Variants in NUDCD1 observed in about 807,000 individuals in gnomAD.
NUDCD1 encodes the protein nudC domain-containing protein 1.
A neutral mutation model predicts 67.8 loss-of-function variants in NUDCD1; 60 were observed. That is an observed-to-expected ratio of 0.88 (90% CI 0.72 to 1.10). The LOEUF is 1.10. NUDCD1 is among the 50% of genes least tolerant of loss of function. The pLI, the probability that NUDCD1 is intolerant of heterozygous loss-of-function variation, is 0.00. For synonymous variants in NUDCD1, 244 were observed against 230.8 expected, an observed-to-expected ratio of 1.06 and a Z score of -0.52; for missense variants, 643 against 695.0, an observed-to-expected ratio of 0.93 and a Z score of 0.84.
chr8:109,273,391 G>C (rs917899034), intron 7 of NUDCD1, among the ~76,000 whole-genome samples: 3 of 152,000 alleles, frequency 2.0e-5, no homozygotes, highest in African/African-American at 4.8e-5. Context: ...TAAGAAGGTA[G>C]GCAAAAATTT....
chr8:109,329,978 C>T, intron 1 of NUDCD1: 1 of 1,270,320 alleles, frequency 7.9e-7, no homozygotes, highest in Non-Finnish European at 1.0e-6. Flanking sequence ...AGTGTAGATT[C>T]TGACTAGTCA....
At chr8:109,255,877 G>T (rs906099497) in intron 8 of NUDCD1, among the ~76,000 whole-genome samples, 1 of 152,118 alleles carries the variant, frequency 6.6e-6, no homozygotes, top group African/African-American at 2.4e-5. Flanking sequence ...TGTTTCAGCA[G>T]GTTTGAAGAA....
At chr8:109,332,254 T>A (rs1008027385) in intron 1 of NUDCD1, among the ~76,000 whole-genome samples, 3 of 152,108 alleles carry the variant, frequency 2.0e-5, no homozygotes, top group Non-Finnish European at 4.4e-5. Flanking sequence ...GGAAGGCTAG[T>A]CAGGAGGCTA....
At chr8:109,287,113 T>C (rs574317090) in intron 5 of NUDCD1, among the ~76,000 whole-genome samples, 34 of 152,164 alleles carry the variant, frequency 2.2e-4, no homozygotes, top group Middle Eastern at 3.4e-3. Flanking sequence ...TCAGAATGGC[T>C]ATTAATAAAA....
intron 5 of NUDCD1, among the ~76,000 whole-genome samples, chr8:109,286,206 TATC>T (rs1814571255): frequency 6.6e-6 from 1 of 152,236 alleles, no homozygotes; most frequent in Admixed American, 6.5e-5. Flanking sequence ...GAATAATCAA[TATC>T]ATTAAAATGT....
intron 8 of NUDCD1, among the ~76,000 whole-genome samples, chr8:109,248,714 G>GA (rs78072773): frequency 0.13 from 12,564 of 99,878 alleles, 588 homozygotes; most frequent in Middle Eastern, 0.2. Context: ...CCACTGTTTG[G>GA]AAAAAAAAAA....
At position 109,243,111 on chromosome 8, in the gene NUDCD1, T is replaced by C. The variant is rs1813407639; in HGVS notation, c.1650A>G (p.Leu550=). Residue 550 remains leucine (L), a synonymous_variant, in exon 10 of 10, where the codon CTA becomes CTG. Transcript: ENST00000239690. ...GQVAKQQVAS[L]ETNDPILGFQ... ...ATCCTAAAATAGGATCATTGGTTTCTAGGCTTGCTACTTGCTGCTTAGCAA... is the reference window on the plus strand; with the variant it reads ...ATCCTAAAATAGGATCATTGGTTTCCAGGCTTGCTACTTGCTGCTTAGCAA... 6.2e-7 allele frequency: 1 copy of C among 1,613,850 alleles called. No homozygotes were observed. The highest frequency in any genetic ancestry group is 8.5e-7 in the Non-Finnish European group (1 of 1,179,776).
intron 6 of NUDCD1, among the ~76,000 whole-genome samples, chr8:109,279,633 T>C (rs202062671): frequency 5.3e-5 from 8 of 152,294 alleles, no homozygotes; most frequent in Admixed American, 4.6e-4. Context: ...GTCTAACTTA[T>C]GTATTTCTTT....
At position 109,265,511 on chromosome 8, in the gene NUDCD1, T is replaced by G. The variant is rs114312174; in HGVS notation, c.1299+5494A>C. 7.3e-3 allele frequency among the ~76,000 whole-genome samples: 1,112 copies of G among 152,332 alleles called. 20 individuals are homozygous for G. The highest frequency in any genetic ancestry group is 0.026 in the African/African-American group (1,074 of 41,574). On this transcript the variant is annotated intron_variant, in intron 8 of 9. Transcript: ENST00000239690. ...ACAGCACTTGCCTTTCCTACTTCCT[T>G]TCATAATGACATTAACTTAAAAGAA...
chr8:109,297,753 A>T (rs560312844), intron 2 of NUDCD1, among the ~76,000 whole-genome samples: 28 of 152,334 alleles, frequency 1.8e-4, no homozygotes, highest in African/African-American at 6.7e-4. Context: ...ATGGACTACA[A>T]CAGTTACATC....
intron 4 of NUDCD1, among the ~76,000 whole-genome samples, chr8:109,291,485 C>T (rs1814711508): frequency 6.6e-6 from 1 of 152,052 alleles, no homozygotes; most frequent in Admixed American, 6.5e-5. Context: ...CTTTAATATG[C>T]TTAATGTGTA....
chr8:109,282,686 G>GGGGGA (rs1814477007), intron 5 of NUDCD1, among the ~76,000 whole-genome samples: 1 of 142,194 alleles, frequency 7.0e-6, no homozygotes, highest in Admixed American at 7.3e-5. Flanking sequence ...TTGTCGGGGG[G>GGGGGA]TGGGGGGCTA....
intron 8 of NUDCD1, among the ~76,000 whole-genome samples, chr8:109,256,477 C>G (rs192865630): frequency 8.5e-5 from 13 of 152,248 alleles, no homozygotes; most frequent in African/African-American, 3.1e-4. Flanking sequence ...GTATCACCTA[C>G]AGTGAGTTGC....
At chr8:109,318,272 T>C (rs112924216) in intron 2 of NUDCD1, among the ~76,000 whole-genome samples, 23 of 152,210 alleles carry the variant, frequency 1.5e-4, no homozygotes, top group African/African-American at 5.3e-4. Flanking sequence ...ATTAACACTT[T>C]CAGATCTACC....
At chr8:109,288,550 A>G (rs2926271) in intron 5 of NUDCD1, among the ~76,000 whole-genome samples, 54,443 of 151,656 alleles carry the variant, frequency 0.36, 10,533 homozygotes, top group South Asian at 0.5. Flanking sequence ...AAGGCCTACT[A>G]AGCACAACTT....
At chr8:109,285,121 T>G (rs1278386926) in intron 5 of NUDCD1, among the ~76,000 whole-genome samples, 1 of 151,968 alleles carries the variant, frequency 6.6e-6, no homozygotes, top group Non-Finnish European at 1.5e-5. Context: ...AGAAAGCAAC[T>G]GAAACCTTGA....
At chr8:109,270,093 T>TGGGGGGGGGGGGGGGGG (rs1563665969) in intron 8 of NUDCD1, among the ~76,000 whole-genome samples, 1 of 6,548 alleles carries the variant, frequency 1.5e-4, no homozygotes, top group African/African-American at 5.8e-4. Flanking sequence ...TGCCTTAAGG[T>TGGGGGGGGGGGGGGGGG]GGGGTGTGAA....
chr8:109,292,430 T>TACAC lies in NUDCD1; in HGVS notation c.640+913_640+914insGTGT, dbSNP rs1260193269. ...AAACAATTTTGAGATATCTATTAGA[T>TACAC]AGACAGATAGCTGTTTTAGAATAAA... On this transcript the variant is annotated intron_variant, in intron 4 of 9. Transcript: ENST00000239690. Among the ~76,000 whole-genome samples, 3 of 84,642 alleles carry TACAC rather than the reference T, an allele frequency of 3.5e-5. No homozygotes were observed. In the East Asian group the frequency reaches 8.3e-4, roughly 23 times the overall value. The allele number at this position is 84,642 out of a possible 152,430, so 55.5% of individuals were successfully genotyped here.
chr8:109,310,681 C>A (rs898752992), intron 2 of NUDCD1, among the ~76,000 whole-genome samples: 1 of 151,944 alleles, frequency 6.6e-6, no homozygotes, highest in Admixed American at 6.6e-5. Context: ...AATAAAGAGA[C>A]AACCTATAGA....
Sources: gnomAD v4.1 joint callset for allele counts (sites outside exome capture counted in the v4.1 genomes callset) on GRCh38, gnomAD v4.1.1 for gene constraint, MANE v1.5 for transcripts, NCBI Gene and HGNC (gene_info 2026-07-23, HGNC 2026-07-21) for gene names.